Variants in ERC1 observed in about 807,000 individuals in gnomAD.
ERC1 encodes the protein RAB6 interacting protein 2.
A neutral mutation model predicts 132.0 loss-of-function variants in ERC1; 56 were observed. The observed-to-expected ratio is 0.42, with a 90% CI of 0.34 to 0.53. The LOEUF is 0.53. Among genes scored for constraint, ERC1 ranks in the 20% least tolerant of loss-of-function variants. ERC1 has a pLI of 0.03. For synonymous variants in ERC1, 478 were observed against 476.1 expected (o/e 1.00, Z -0.05); for missense variants, 1,202 against 1,349.9 (o/e 0.89, Z 1.72).
intron 16 of ERC1, among the ~76,000 whole-genome samples, chr12:1,397,745 T>G (rs1225974734): frequency 1.3e-5 from 2 of 152,200 alleles, no homozygotes; most frequent in Non-Finnish European, 2.9e-5. Flanking sequence ...CCTTCTGTGA[T>G]TATACCTAGT....
chr12:1,071,396 C>T (rs1396758138), intron 2 of ERC1, among the ~76,000 whole-genome samples: 1 of 152,160 alleles, frequency 6.6e-6, no homozygotes, highest in African/African-American at 2.4e-5. Flanking sequence ...TTTTGATTTG[C>T]ATTTCCCCAG....
At chr12:1,327,747 C>T (rs1202247674) in intron 15 of ERC1, among the ~76,000 whole-genome samples, 1 of 152,256 alleles carries the variant, frequency 6.6e-6, no homozygotes, top group Non-Finnish European at 1.5e-5. Flanking sequence ...GCCCATATCT[C>T]TGTTCCCAAC....
chr12:1,206,446 GCAGAGGTTTATTT>G (rs1169452196), intron 12 of ERC1, among the ~76,000 whole-genome samples: 2 of 151,934 alleles, frequency 1.3e-5, no homozygotes, highest in African/African-American at 2.4e-5. Context: ...TTTCTATTTT[GCAGAGGTTTATTT>G]TTATTCCTCT....
intron 14 of ERC1, among the ~76,000 whole-genome samples, chr12:1,279,262 T>C (rs2078495707): frequency 6.6e-6 from 1 of 152,176 alleles, no homozygotes; most frequent in Non-Finnish European, 1.5e-5. Flanking sequence ...ACTAAAGAAA[T>C]TCTGAAGCAG....
intron 18 of ERC1, among the ~76,000 whole-genome samples, chr12:1,466,720 A>G (rs752989724): frequency 8.5e-5 from 13 of 152,176 alleles, no homozygotes; most frequent in African/African-American, 2.4e-4. Flanking sequence ...GGTTACTTCA[A>G]TAAAGAATGC....
At chr12:1,405,498 G>A (rs2091419482) in intron 16 of ERC1, among the ~76,000 whole-genome samples, 1 of 152,082 alleles carries the variant, frequency 6.6e-6, no homozygotes, top group Admixed American at 6.5e-5. Context: ...GAGGTCAGGA[G>A]TTCGAGACCA....
intron 1 of ERC1, among the ~76,000 whole-genome samples, chr12:1,003,716 G>C (rs1215765577): frequency 6.6e-6 from 1 of 152,202 alleles, no homozygotes; most frequent in Non-Finnish European, 1.5e-5. Flanking sequence ...GACCTTGCCT[G>C]TCTGATTTGA....
intron 1 of ERC1, among the ~76,000 whole-genome samples, chr12:1,009,640 C>G (rs1170211845): frequency 2.6e-5 from 4 of 152,006 alleles, no homozygotes; most frequent in Admixed American, 6.6e-5. Flanking sequence ...GTTGCCATTT[C>G]TTTTTGGTGA....
At chr12:1,284,265 CGTGTGTGTGTGTGTGT>C (rs71055142) in intron 14 of ERC1, among the ~76,000 whole-genome samples, 44 of 140,192 alleles carry the variant, frequency 3.1e-4, no homozygotes, top group South Asian at 1.9e-3. Context: ...GAATAGTATT[CGTGTGTGTGTGTGTGT>C]GTGTGTGTGT....
At chr12:1,385,598 T>C (rs1566737011) in intron 16 of ERC1, among the ~76,000 whole-genome samples, 1 of 152,222 alleles carries the variant, frequency 6.6e-6, no homozygotes, top group Non-Finnish European at 1.5e-5. Flanking sequence ...ATCTATCTTA[T>C]TATTGAGAAA....
intron 15 of ERC1, among the ~76,000 whole-genome samples, chr12:1,362,448 GTC>G (rs750785449): frequency 1.4e-3 from 200 of 143,104 alleles, no homozygotes; most frequent in Non-Finnish European, 1.7e-3. Flanking sequence ...CTCTCTCTCT[GTC>G]TCTCTCTCTC....
intron 17 of ERC1, among the ~76,000 whole-genome samples, chr12:1,421,765 C>G (rs1384830250): frequency 6.6e-6 from 1 of 151,980 alleles, no homozygotes; most frequent in Non-Finnish European, 1.5e-5. Flanking sequence ...CGCCTGTAAT[C>G]CCAACACTTT....
chr12:1,401,963 A>G (rs2154388402), intron 16 of ERC1, among the ~76,000 whole-genome samples: 1 of 152,268 alleles, frequency 6.6e-6, no homozygotes, highest in South Asian at 2.1e-4. Context: ...GACATGGAAA[A>G]CAGACTGAGA....
At chr12:1,049,003 A>G (rs775824094) in intron 2 of ERC1, among the ~76,000 whole-genome samples, 1 of 152,228 alleles carries the variant, frequency 6.6e-6, no homozygotes, top group Non-Finnish European at 1.5e-5. Flanking sequence ...AAATTTCACC[A>G]TCTTAGGCCT....
intron 17 of ERC1, among the ~76,000 whole-genome samples, chr12:1,413,097 C>T (rs1192243324): frequency 6.6e-6 from 1 of 152,114 alleles, no homozygotes; most frequent in Non-Finnish European, 1.5e-5. Flanking sequence ...AGTTTCATCT[C>T]CTATATGTTG....
At chr12:1,064,083 A>G (rs1391183653) in intron 2 of ERC1, among the ~76,000 whole-genome samples, 1 of 151,172 alleles carries the variant, frequency 6.6e-6, no homozygotes, top group Non-Finnish European at 1.5e-5. Context: ...TTTGCTCCCC[A>G]CCCCCTTCAT....
In ERC1 at chr12:1,232,896, TA is replaced by T. The variant is rs921848480; in HGVS notation, c.2352-3863del. On this transcript the variant is annotated intron_variant, in intron 12 of 18. Coordinates refer to ENST00000360905, the MANE Select transcript of ERC1 (RefSeq NM_178040.4). ...ACTGTAAACCGAATACATGGAAAAA[TA>T]AAAAAAAAACAATAGAAAAATAATT... Among the ~76,000 whole-genome samples, 295 of 146,250 alleles carry T rather than the reference TA, an allele frequency of 2.0e-3. 1 individual carries two copies. Among genetic ancestry groups the T allele is most frequent in the Middle Eastern group, 0.01 (3 of 292 alleles).
intron 15 of ERC1, among the ~76,000 whole-genome samples, chr12:1,300,123 G>C (rs780431814): frequency 9.2e-5 from 14 of 152,142 alleles, no homozygotes; most frequent in Non-Finnish European, 1.9e-4. Context: ...CAGACACACA[G>C]AGCAAAGGAA....
Position 1,290,106 on chromosome 12 carries a change from A to G in ERC1, c.2780+94A>G, listed in dbSNP as rs554066157. ...TTCTGGCTCTGTGTTTTACCCCAAT[A>G]CACTTACTTAATTTTAGTGCTAACT... On this transcript the variant is annotated intron_variant, in intron 15 of 18. Transcript: ENST00000360905. 5.6e-6 allele frequency: 6 copies of G among 1,073,286 alleles called. No homozygotes were observed. The Admixed American group carries it at 1.1e-4, about 19-fold the overall frequency. The allele number at this position is 1,073,286 out of a possible 1,614,324, so 66.5% of individuals were successfully genotyped here. A position where few individuals can be genotyped will look rare whatever the true frequency, so the allele number is the denominator to read the frequency against.
Sources: gnomAD v4.1 joint callset for allele counts (sites outside exome capture counted in the v4.1 genomes callset) on GRCh38, gnomAD v4.1.1 for gene constraint, MANE v1.5 for transcripts, NCBI Gene and HGNC (gene_info 2026-07-23, HGNC 2026-07-21) for gene names.